The following PPM1D variants were observed in gnomAD, a reference collection of about 807,000 sequenced individuals.
The protein encoded by PPM1D is protein phosphatase, Mg2+/Mn2+ dependent 1D.
In PPM1D, 52 loss-of-function variants were observed where a neutral mutation model predicts 58.3. The ratio of observed to expected loss-of-function variants is 0.89; its 90% CI spans 0.71 to 1.12. PPM1D has a LOEUF of 1.12. PPM1D is among the 50% of genes most tolerant of loss of function. The pLI, the probability that PPM1D is intolerant of heterozygous loss-of-function variation, is 0.00. For missense variants in PPM1D, 564 were observed against 777.2 expected (o/e 0.73, Z 3.26); for synonymous variants, 278 against 285.1 (o/e 0.98, Z 0.25).
chr17:60,643,250 G>T (rs570910224), intron 3 of PPM1D, among the ~76,000 whole-genome samples: 1 of 152,000 alleles, frequency 6.6e-6, no homozygotes, highest in South Asian at 2.1e-4. Flanking sequence ...TAGCATGGTG[G>T]CACACACCTG....
intron 2 of PPM1D, among the ~76,000 whole-genome samples, chr17:60,625,264 ATAAAAG>A (rs1371512269): frequency 6.6e-6 from 1 of 152,240 alleles, no homozygotes; most frequent in Non-Finnish European, 1.5e-5. Flanking sequence ...ATTTGGTGAA[ATAAAAG>A]TAAAACATTA....
chr17:60,654,950 T>G (rs2031410523), intron 4 of PPM1D, among the ~76,000 whole-genome samples: 1 of 152,196 alleles, frequency 6.6e-6, no homozygotes, highest in Admixed American at 6.5e-5. Flanking sequence ...TTTTCACTTT[T>G]GTTCTGTGAA....
At chr17:60,627,124 G>A (rs1285733038) in intron 2 of PPM1D, among the ~76,000 whole-genome samples, 1 of 152,162 alleles carries the variant, frequency 6.6e-6, no homozygotes, top group African/African-American at 2.4e-5. Flanking sequence ...TTCTTTTAAT[G>A]TAGTTAAATT....
intron 3 of PPM1D, among the ~76,000 whole-genome samples, chr17:60,642,566 C>G (rs1201017419): frequency 6.6e-6 from 1 of 151,948 alleles, no homozygotes; most frequent in Non-Finnish European, 1.5e-5. Flanking sequence ...TCAAGTGATT[C>G]TCCTGCCCGA....
intron 5 of PPM1D, 27 bp downstream of exon 5, chr17:60,656,868 A>G: frequency 1.2e-6 from 2 of 1,613,172 alleles, no homozygotes. Flanking sequence ...TTTTTAAGTT[A>G]TGTTTTAATA....
In PPM1D at chr17:60,623,762, C is replaced by G; in HGVS notation, c.701+13C>G. 4 of 1,610,982 alleles carry G rather than the reference C, an allele frequency of 2.5e-6. No individual in the cohort carries two copies. Among genetic ancestry groups the G allele is most frequent in the Non-Finnish European group, 3.4e-6 (4 of 1,177,400 alleles). ...GACTTGGTGGGAGGTAACATTCTGT[C>G]GTTTTCTCTTTCCTCTTTTGGTTCT... On this transcript the variant is annotated intron_variant, in intron 2 of 5. Coordinates refer to ENST00000305921, the MANE Select transcript of PPM1D (RefSeq NM_003620.4).
intron 5 of PPM1D, among the ~76,000 whole-genome samples, chr17:60,657,528 A>C (rs2031461950): frequency 6.6e-6 from 1 of 152,194 alleles, no homozygotes; most frequent in Non-Finnish European, 1.5e-5. Context: ...ATGTGTTTTC[A>C]GTAGACTGAC....
chr17:60,645,165 C>T lies in PPM1D; in HGVS notation c.827-2727C>T, dbSNP rs539373884. Among the ~76,000 whole-genome samples, 3 of 152,138 alleles carry T rather than the reference C, an allele frequency of 2.0e-5. No homozygotes were observed. The East Asian group carries it at 5.8e-4, about 29-fold the overall frequency. The stretch of plus-strand genomic sequence containing the variant: ...GGTCAGGAGTTCCAGACCAGCCTAG[C>T]CAACATGATGAAACCTCGTCTCTAC... On this transcript the variant is annotated intron_variant, in intron 3 of 5. Coordinates refer to ENST00000305921, the MANE Select transcript of PPM1D (RefSeq NM_003620.4).
At chr17:60,635,402 A>T (rs1234080948) in intron 3 of PPM1D, among the ~76,000 whole-genome samples, 1 of 151,946 alleles carries the variant, frequency 6.6e-6, no homozygotes, top group Non-Finnish European at 1.5e-5. Flanking sequence ...TTTAGTAGAG[A>T]CGGGGTTTCT....
chr17:60,615,556 C>A (rs1399576021), intron 1 of PPM1D, among the ~76,000 whole-genome samples: 1 of 151,378 alleles, frequency 6.6e-6, no homozygotes, highest in Non-Finnish European at 1.5e-5. Context: ...CATAAAAATA[C>A]CAGTTGCTTA....
At chr17:60,628,748 C>T (rs1256144595) in intron 2 of PPM1D, among the ~76,000 whole-genome samples, 2 of 151,794 alleles carry the variant, frequency 1.3e-5, no homozygotes, top group Non-Finnish European at 2.9e-5. Flanking sequence ...CAAAAAACTC[C>T]ACTGTATACA....
At chr17:60,653,551 T>G (rs1450568977) in intron 4 of PPM1D, among the ~76,000 whole-genome samples, 1 of 152,198 alleles carries the variant, frequency 6.6e-6, no homozygotes, top group African/African-American at 2.4e-5. Context: ...AATTCTGAGC[T>G]TAAAGAAAAA....
chr17:60,653,563 T>G (rs1226695502), intron 4 of PPM1D, among the ~76,000 whole-genome samples: 1 of 152,194 alleles, frequency 6.6e-6, no homozygotes, highest in African/African-American at 2.4e-5. Flanking sequence ...AAAGAAAAAA[T>G]TATGTGAAGA....
intron 3 of PPM1D, among the ~76,000 whole-genome samples, chr17:60,645,548 A>ATAGATGTGTGTGTGTATATATATG: frequency 7.9e-6 from 1 of 127,384 alleles, no homozygotes; most frequent in East Asian, 2.3e-4. Flanking sequence ...ATATATATGT[A>ATAGATGTGTGTGTGTATATATATG]TATATATGTG....
chr17:60,613,514 C>T (rs187479844), intron 1 of PPM1D, among the ~76,000 whole-genome samples: 6 of 152,360 alleles, frequency 3.9e-5, no homozygotes, highest in South Asian at 2.1e-4. Flanking sequence ...ACTCTGGCTG[C>T]GCTTGAGGAG....
At chr17:60,606,699 T>A (rs1335052071) in intron 1 of PPM1D, among the ~76,000 whole-genome samples, 1 of 152,230 alleles carries the variant, frequency 6.6e-6, no homozygotes, top group Non-Finnish European at 1.5e-5. Context: ...TGTGTACGCC[T>A]CCCAAATTTA....
At chr17:60,611,278 C>T (rs1371591662) in intron 1 of PPM1D, among the ~76,000 whole-genome samples, 2 of 152,282 alleles carry the variant, frequency 1.3e-5, no homozygotes, top group East Asian at 3.9e-4. Context: ...GCCTTGGCCT[C>T]CTAAAGTGCT....
intron 1 of PPM1D, among the ~76,000 whole-genome samples, chr17:60,602,327 T>C (rs2030232387): frequency 6.6e-6 from 1 of 152,240 alleles, no homozygotes; most frequent in Non-Finnish European, 1.5e-5. Flanking sequence ...GAGTGCTGTT[T>C]ATTTTGCAGT....
chr17:60,608,752 CTT>C (rs1446212388), intron 1 of PPM1D, among the ~76,000 whole-genome samples: 14 of 145,338 alleles, frequency 9.6e-5, no homozygotes, highest in Non-Finnish European at 1.1e-4. Context: ...TTAGGTATAT[CTT>C]TTTTTTTTTT....
Sources: allele counts gnomAD v4.1 joint callset (sites outside exome capture counted in the v4.1 genomes callset), GRCh38; gene constraint gnomAD v4.1.1; transcripts MANE v1.5; gene names NCBI Gene and HGNC (gene_info 2026-07-23, HGNC 2026-07-21).